Variants in SLC43A2 observed in about 807,000 individuals in gnomAD.
SLC43A2 encodes the protein solute carrier family 43 member 2.
In SLC43A2, 38 loss-of-function variants were observed where a neutral mutation model predicts 63.2. That is an observed-to-expected ratio of 0.60 (90% CI 0.46 to 0.79). The LOEUF (loss-of-function observed/expected upper bound fraction) is 0.79. SLC43A2 is among the 30% of genes least tolerant of loss of function. SLC43A2 has a pLI of 0.00. For synonymous variants in SLC43A2, 322 were observed against 331.0 expected (o/e 0.97, Z 0.30); for missense variants, 644 against 756.2 (o/e 0.85, Z 1.74).
intron 9 of SLC43A2, among the ~76,000 whole-genome samples, chr17:1,588,812 G>A (rs956790502): frequency 6.6e-6 from 1 of 152,148 alleles, no homozygotes; most frequent in African/African-American, 2.4e-5. Context: ...AACGCTGGGA[G>A]GCAGCAGAGT....
chr17:1,586,085 T>A, intron 9 of SLC43A2, 34 bp from the exon 10 acceptor site: 2 of 1,546,040 alleles, frequency 1.3e-6, no homozygotes, highest in Non-Finnish European at 1.7e-6. Context: ...TGGGGACGCC[T>A]GGCAGACAGC....
Position 1,577,785 on chromosome 17 carries a change from C to T in SLC43A2, c.1424+465G>A, listed in dbSNP as rs919988710. 3.9e-5 allele frequency among the ~76,000 whole-genome samples: 6 copies of T among 152,192 alleles called. No individual in the cohort carries two copies. The highest frequency in any genetic ancestry group is 8.8e-5 in the Non-Finnish European group (6 of 68,020). On this transcript the variant is annotated intron_variant, in intron 12 of 13. Coordinates refer to ENST00000301335, the MANE Select transcript of SLC43A2 (RefSeq NM_152346.3). This position sits in a 1 kb window ranked among gnomAD's most constrained non-coding sequence, Gnocchi z 4.9. ...GGAGAAAGCTATGGCCAGAGCTGGG[C>T]GCACTGAGGCTCTGGATGGGCCCGT...
chr17:1,604,759 C>T (rs1906427041), intron 5 of SLC43A2: 1 of 1,535,822 alleles, frequency 6.5e-7, no homozygotes, highest in Non-Finnish European at 8.7e-7. Flanking sequence ...TTGCCTTCGG[C>T]TGACCTCCCC....
At position 1,585,571 on chromosome 17, in the gene SLC43A2, G is replaced by A. The variant is rs2076088744; in HGVS notation, c.1217+342C>T. The A allele has an allele frequency of 5.8e-6, 5 of 854,910 alleles. 1 individual carries two copies. In the Admixed American group the frequency reaches 9.3e-5, roughly 16 times the overall value. 53.0% of individuals were successfully genotyped at this position (854,910 alleles called of 1,614,324 possible). A position where few individuals can be genotyped will look rare whatever the true frequency, so the allele number is the denominator to read the frequency against. ...AATTTTTAAATTTTTTGTAGAGACG[G>A]GGAGTGGGGGCTGGCCATGTTTCCC... On this transcript the variant is annotated intron_variant, in intron 10 of 13. Coordinates refer to ENST00000301335, the MANE Select transcript of SLC43A2 (RefSeq NM_152346.3).
At position 1,605,174 on chromosome 17, in the gene SLC43A2, G is replaced by A. The variant is rs1401797701; in HGVS notation, c.501+8021C>T. The stretch of plus-strand genomic sequence containing the variant: ...CCGTGCGGGTCAACCTGTCCTGCCA[G>A]CCCGGGCTGTTCACTCACTGCCTCC... On this transcript the variant is annotated intron_variant, in intron 5 of 13. Transcript: ENST00000301335. This position sits in a 1 kb window ranked among gnomAD's most constrained non-coding sequence, Gnocchi z 4.9. 11 of 1,194,976 alleles carry A rather than the reference G, an allele frequency of 9.2e-6. No homozygotes were observed. Among genetic ancestry groups the A allele is most frequent in the Non-Finnish European group, 1.2e-5 (11 of 953,906 alleles). 74.0% of individuals were successfully genotyped at this position (1,194,976 alleles called of 1,614,324 possible).
At chr17:1,627,646 G>GCCCCCCAACCCCCCCCC in intron 2 of SLC43A2, 69 bp downstream of exon 2, 1 of 733,230 alleles carries the variant, frequency 1.4e-6, no homozygotes, top group Non-Finnish European at 2.1e-6. Flanking sequence ...CTAGGTCTTC[G>GCCCCCCAACCCCCCCCC]CCCCCATCCC....
Position 1,571,746 on chromosome 17 carries a change from G to A in SLC43A2, c.*3858C>T, listed in dbSNP as rs915553482. ...AGGATCCACCAGGGCCTGCAACCAC[G>A]TCTTTGGCCCCGGTGAGGGGTGGGA... is the stretch of plus-strand genomic sequence containing the variant. On this transcript the variant is annotated 3_prime_UTR_variant, in exon 14 of 14. Transcript: ENST00000301335. The surrounding 1 kb of genome is among the most constrained non-coding windows in gnomAD (Gnocchi z 5.2). 3 of 152,342 alleles carry A rather than the reference G, an allele frequency of 2.0e-5. No homozygotes were observed. Among genetic ancestry groups the A allele is most frequent in the Admixed American group, 1.3e-4 (2 of 15,276 alleles). 9.4% of individuals were successfully genotyped at this position (152,342 alleles called of 1,614,324 possible). A position where few individuals can be genotyped will look rare whatever the true frequency, so the allele number is the denominator to read the frequency against.
At chr17:1,601,282 G>C (rs12450088) in intron 5 of SLC43A2, among the ~76,000 whole-genome samples, 1 of 151,764 alleles carries the variant, frequency 6.6e-6, no homozygotes, top group Non-Finnish European at 1.5e-5. Context: ...AAACCTGTGG[G>C]CATGAATCTT....
intron 5 of SLC43A2, among the ~76,000 whole-genome samples, chr17:1,600,001 G>A (rs1322965944): frequency 1.2e-4 from 17 of 144,962 alleles, no homozygotes; most frequent in South Asian, 4.4e-4. Context: ...CTGAGATTGC[G>A]CCACTGCACT....
intron 2 of SLC43A2, among the ~76,000 whole-genome samples, chr17:1,623,279 C>T (rs184849717): frequency 1.3e-5 from 2 of 152,322 alleles, no homozygotes; most frequent in Non-Finnish European, 2.9e-5. Flanking sequence ...TCGCAGGGAC[C>T]TCTGTGCCAG....
chr17:1,592,203 C>T (rs566484971), intron 6 of SLC43A2, among the ~76,000 whole-genome samples: 8 of 152,280 alleles, frequency 5.3e-5, no homozygotes, highest in South Asian at 2.1e-4. Flanking sequence ...CCAAAGTGGG[C>T]GGATCATGAG....
intron 3 of SLC43A2, chr17:1,616,285 T>A (rs1175553518): frequency 6.2e-6 from 3 of 481,072 alleles, no homozygotes; most frequent in Non-Finnish European, 1.1e-5. Flanking sequence ...GCTTATGAAC[T>A]ACAAAGGGAT....
At chr17:1,596,157 A>T (rs1905256888) in intron 5 of SLC43A2, among the ~76,000 whole-genome samples, 1 of 152,010 alleles carries the variant, frequency 6.6e-6, no homozygotes, top group African/African-American at 2.4e-5. Flanking sequence ...TATCTCTACT[A>T]AAAATACAAA....
intron 9 of SLC43A2, among the ~76,000 whole-genome samples, chr17:1,590,392 C>T (rs1904631860): frequency 1.3e-5 from 2 of 152,232 alleles, no homozygotes; most frequent in Admixed American, 1.3e-4. Context: ...CCGTCCTGAC[C>T]TCGATGCCCA....
At chr17:1,624,513 G>A (rs1358205890) in intron 2 of SLC43A2, among the ~76,000 whole-genome samples, 1 of 152,054 alleles carries the variant, frequency 6.6e-6, no homozygotes, top group Non-Finnish European at 1.5e-5. Context: ...GACCAGCCAG[G>A]CCAACATGGT....
intron 5 of SLC43A2, among the ~76,000 whole-genome samples, chr17:1,612,175 G>A (rs1226328872): frequency 6.6e-6 from 1 of 152,074 alleles, no homozygotes; most frequent in African/African-American, 2.4e-5. Flanking sequence ...TGTTGGCCAG[G>A]CTGGTCTCAA....
intron 2 of SLC43A2, among the ~76,000 whole-genome samples, chr17:1,623,705 GCT>G (rs1908378254): frequency 8.0e-6 from 1 of 125,192 alleles, no homozygotes; most frequent in Non-Finnish European, 1.7e-5. Flanking sequence ...TCTCCTCCAG[GCT>G]GTACCCTCCT....
intron 10 of SLC43A2, among the ~76,000 whole-genome samples, chr17:1,584,819 C>CA (rs11463729): frequency 0.72 from 102,958 of 142,118 alleles, 40,015 homozygotes; most frequent in Non-Finnish European, 0.87. Flanking sequence ...GACTCCGTCT[C>CA]AAAAAAAAAA....
In SLC43A2 at chr17:1,590,925, C is replaced by T. The variant is rs986659468; in HGVS notation, c.955G>A (p.Val319Met). 6 of 1,551,196 alleles carry T rather than the reference C, an allele frequency of 3.9e-6. No homozygotes were observed. Among genetic ancestry groups the T allele is most frequent in the East Asian group, 2.4e-5 (1 of 41,064 alleles). ...AAVAPSFMHS[V>M]FSPILLLSLV... is the part of the protein sequence containing the mutation. ...CTGAGCAGCAGGATGGGGCTGAACA[C>T]GCTGTGCATGAAGGAGGGGGCCACT... Residue 319 changes from valine (V) to methionine (M), a missense_variant, in exon 9 of 14, where the codon GTG (valine) becomes ATG (methionine). Transcript: ENST00000301335.
Sources: gnomAD v4.1 joint callset for allele counts (sites outside exome capture counted in the v4.1 genomes callset) on GRCh38, gnomAD v4.1.1 for gene constraint, Gnocchi (gnomAD v3.1) non-coding constraint, MANE v1.5 for transcripts, NCBI Gene and HGNC (gene_info 2026-07-23, HGNC 2026-07-21) for gene names.